Variants in MLLT3 observed in about 807,000 individuals in gnomAD.
MLLT3 encodes MLLT3 super elongation complex subunit, also known as protein AF-9.
A neutral mutation model predicts 53.2 loss-of-function variants in MLLT3; 4 were observed. The observed-to-expected ratio is 0.08, with a 90% confidence interval of 0.04 to 0.17. MLLT3 has a LOEUF of 0.17. MLLT3 is among the 10% of genes least tolerant of loss of function. The probability of loss-of-function intolerance (pLI) is 1.00; values close to 1 mark genes in which losing one functional copy is unlikely to be tolerated. For missense variants in MLLT3, 569 were observed against 684.0 expected, an observed-to-expected ratio of 0.83 and a Z score of 1.87; for synonymous variants, 283 against 230.6, an observed-to-expected ratio of 1.23 and a Z score of -2.06.
chr9:20,498,435 C>T (rs1362986578), intron 2 of MLLT3, among the ~76,000 whole-genome samples: 1 of 151,930 alleles, frequency 6.6e-6, no homozygotes, highest in Non-Finnish European at 1.5e-5. Flanking sequence ...TGTATATCTC[C>T]TTTGATGAAG....
chr9:20,621,833 C>G lies in MLLT3; in HGVS notation c.12+412G>C. 1 of 1,405,492 alleles carries G rather than the reference C, an allele frequency of 7.1e-7. No homozygotes were observed. Among genetic ancestry groups the G allele is most frequent in the South Asian group, 1.6e-5 (1 of 64,090 alleles). The allele number at this position is 1,405,492 out of a possible 1,614,324, so 87.1% of individuals were successfully genotyped here. ...CCGCCGAGGCTGCTCGCCGCGTCCCCGGACTGTGCCCGCAGCTCCCGGCGG... is the reference window on the plus strand; with the variant it reads ...CCGCCGAGGCTGCTCGCCGCGTCCCGGGACTGTGCCCGCAGCTCCCGGCGG... On this transcript the variant is annotated intron_variant, in intron 1 of 10. Transcript: ENST00000380338. This position sits in a 1 kb window ranked among gnomAD's most constrained non-coding sequence, Gnocchi z 7.0.
At chr9:20,465,597 C>G (rs540635227) in intron 2 of MLLT3, among the ~76,000 whole-genome samples, 1 of 152,022 alleles carries the variant, frequency 6.6e-6, no homozygotes, top group African/African-American at 2.4e-5. Context: ...GCCTAGGAGA[C>G]CATCAGAACC....
intron 2 of MLLT3, among the ~76,000 whole-genome samples, chr9:20,576,028 C>T (rs973014064): frequency 6.6e-6 from 1 of 152,194 alleles, no homozygotes; most frequent in African/African-American, 2.4e-5. Flanking sequence ...AGCCACCTTC[C>T]TCAATGATCT....
At chr9:20,514,603 T>C (rs1158402037) in intron 2 of MLLT3, among the ~76,000 whole-genome samples, 3 of 152,100 alleles carry the variant, frequency 2.0e-5, no homozygotes, top group African/African-American at 2.4e-5. Flanking sequence ...AATCTATTTT[T>C]AATAGGTCCC....
At chr9:20,443,222 C>A (rs1823597540) in intron 4 of MLLT3, among the ~76,000 whole-genome samples, 1 of 152,020 alleles carries the variant, frequency 6.6e-6, no homozygotes. Flanking sequence ...CCAAAGCAGG[C>A]CATTTGGTTT....
At chr9:20,594,097 C>T (rs1458167100) in intron 2 of MLLT3, among the ~76,000 whole-genome samples, 2 of 151,956 alleles carry the variant, frequency 1.3e-5, no homozygotes, top group African/African-American at 4.8e-5. Flanking sequence ...CCCACCACCA[C>T]ACCTGGCTAA....
chr9:20,362,179 A>T (rs543454469), intron 7 of MLLT3, among the ~76,000 whole-genome samples: 1 of 152,300 alleles, frequency 6.6e-6, no homozygotes, highest in South Asian at 2.1e-4. Context: ...GGAACAAGAA[A>T]AGCAGCCCCC....
At chr9:20,397,525 AG>A (rs892070995) in intron 5 of MLLT3, among the ~76,000 whole-genome samples, 1 of 152,144 alleles carries the variant, frequency 6.6e-6, no homozygotes, top group Non-Finnish European at 1.5e-5. Flanking sequence ...GCCCTATAAA[AG>A]CTGGGTAGAA....
chr9:20,496,931 C>T (rs1825092574), intron 2 of MLLT3, among the ~76,000 whole-genome samples: 1 of 152,220 alleles, frequency 6.6e-6, no homozygotes, highest in African/African-American at 2.4e-5. Flanking sequence ...TAAGTGGGGA[C>T]ACCACTGATC....
At chr9:20,508,727 G>T (rs1215832394) in intron 2 of MLLT3, among the ~76,000 whole-genome samples, 1 of 152,084 alleles carries the variant, frequency 6.6e-6, no homozygotes, top group Non-Finnish European at 1.5e-5. Context: ...CGGCTAAAAA[G>T]ATTTGACATG....
intron 2 of MLLT3, among the ~76,000 whole-genome samples, chr9:20,541,177 C>A (rs1002025039): frequency 1.3e-5 from 2 of 152,190 alleles, no homozygotes; most frequent in African/African-American, 2.4e-5. Context: ...CTGTCCATAT[C>A]ACTATCAACA....
intron 4 of MLLT3, among the ~76,000 whole-genome samples, chr9:20,420,606 C>T (rs1325667807): frequency 1.3e-5 from 2 of 152,132 alleles, no homozygotes; most frequent in Admixed American, 1.3e-4. Context: ...CATAAATTGA[C>T]AGACCTCATA....
At chr9:20,468,504 C>T (rs1246224129) in intron 2 of MLLT3, among the ~76,000 whole-genome samples, 5 of 151,920 alleles carry the variant, frequency 3.3e-5, no homozygotes, top group African/African-American at 1.2e-4. Context: ...GTAAGGCTTC[C>T]GAGGTTATGT....
chr9:20,428,029 A>G (rs1027174731), intron 4 of MLLT3, among the ~76,000 whole-genome samples: 1 of 152,108 alleles, frequency 6.6e-6, no homozygotes, highest in Non-Finnish European at 1.5e-5. Context: ...CAACTTTGCA[A>G]TAACTGATAT....
At position 20,553,779 on chromosome 9, in the gene MLLT3, A is replaced by G. The variant is rs181826221; in HGVS notation, c.193+66875T>C. 1.5e-4 allele frequency among the ~76,000 whole-genome samples: 23 copies of G among 152,304 alleles called. No individual in the cohort carries two copies. The East Asian group carries it at 4.2e-3, about 28-fold the overall frequency. On this transcript the variant is annotated intron_variant, in intron 2 of 10. Transcript: ENST00000380338. ...AGCTTGAATATGTAACTAAGTTTTT[A>G]TAACTACATTAGAAACTTTCCTTGC... is the stretch of plus-strand genomic sequence containing the variant.
chr9:20,579,468 A>C (rs1819735558), intron 2 of MLLT3, among the ~76,000 whole-genome samples: 1 of 152,192 alleles, frequency 6.6e-6, no homozygotes, highest in Non-Finnish European at 1.5e-5. Context: ...AAACAAGAGG[A>C]AATGTCCTTC....
At chr9:20,616,956 AC>A (rs774770765) in intron 2 of MLLT3, among the ~76,000 whole-genome samples, 10 of 152,090 alleles carry the variant, frequency 6.6e-5, no homozygotes, top group East Asian at 1.9e-4. Context: ...TCTCCAAAAT[AC>A]CCCTGCCCGA....
chr9:20,432,153 T>C (rs1823287965), intron 4 of MLLT3, among the ~76,000 whole-genome samples: 1 of 152,208 alleles, frequency 6.6e-6, no homozygotes, highest in African/African-American at 2.4e-5. Flanking sequence ...TACTTATTTA[T>C]TAGCTGCTAT....
intron 2 of MLLT3, among the ~76,000 whole-genome samples, chr9:20,529,726 T>C (rs917879139): frequency 1.9e-5 from 1 of 52,598 alleles, no homozygotes; most frequent in Non-Finnish European, 4.2e-5. Context: ...ATCCAATCCT[T>C]TTTTTTTTTT....
Sources: allele counts gnomAD v4.1 joint callset (sites outside exome capture counted in the v4.1 genomes callset), GRCh38; gene constraint gnomAD v4.1.1; non-coding constraint Gnocchi (gnomAD v3.1); transcripts MANE v1.5; gene names NCBI Gene and HGNC (gene_info 2026-07-23, HGNC 2026-07-21).